Variants in APBA1 observed in about 807,000 individuals in gnomAD.
The protein encoded by APBA1 is amyloid-beta A4 precursor protein-binding family A member 1.
APBA1 carries 55 observed loss-of-function variants against 86.6 expected under a neutral mutation model. The observed-to-expected ratio is 0.64, with a 90% CI of 0.51 to 0.80. The LOEUF is 0.80. APBA1 is among the 30% of genes least tolerant of loss of function. APBA1 has a pLI of 0.00. For missense variants in APBA1, 1,090 were observed against 1,183.0 expected, an observed-to-expected ratio of 0.92 and a Z score of 1.15; for synonymous variants, 511 against 493.9, an observed-to-expected ratio of 1.03 and a Z score of -0.46.
At chr9:69,638,866 T>A (rs1823231100) in intron 1 of APBA1, among the ~76,000 whole-genome samples, 1 of 152,142 alleles carries the variant, frequency 6.6e-6, no homozygotes, top group Non-Finnish European at 1.5e-5. Context: ...ATCAAATTTT[T>A]GAAGATTAAA....
chr9:69,627,884 G>T (rs528159529), intron 1 of APBA1, among the ~76,000 whole-genome samples: 2 of 152,232 alleles, frequency 1.3e-5, no homozygotes, highest in East Asian at 1.9e-4. Context: ...AGGCACTGGT[G>T]GGGGAATGAG....
chr9:69,607,411 C>T (rs1822497760), intron 1 of APBA1, among the ~76,000 whole-genome samples: 1 of 152,170 alleles, frequency 6.6e-6, no homozygotes, highest in Non-Finnish European at 1.5e-5. Flanking sequence ...CACCAGGTCC[C>T]TCCCATGACA....
Position 69,523,524 on chromosome 9 carries a change from T to C in APBA1, c.-69-6245A>G, listed in dbSNP as rs1322311035. ...ATATATATATATATATATATATATA[T>C]ATATATATAGACACACACACACACA... is the stretch of plus-strand genomic sequence containing the variant. On this transcript the variant is annotated intron_variant, in intron 1 of 12. Transcript: ENST00000265381. Among the ~76,000 whole-genome samples, 13 of 41,552 alleles carry C rather than the reference T, an allele frequency of 3.1e-4. No individual in the cohort carries two copies. The South Asian group carries it at 5.1e-3, about 16-fold the overall frequency. 27.3% of individuals were successfully genotyped at this position (41,552 alleles called of 152,430 possible). A position where few individuals can be genotyped will look rare whatever the true frequency, so the allele number is the denominator to read the frequency against.
rs1588334710 is a variant in APBA1 at position 69,516,531 on chromosome 9, C to A, written c.680G>T (p.Arg227Leu). Residue 227 changes from arginine to leucine, a missense_variant, in exon 2 of 13, where the codon CGC (arginine) becomes CTC (leucine). Arg to Leu is a moderately radical substitution (Grantham distance 102, BLOSUM62 -2). Coordinates refer to ENST00000265381, the MANE Select transcript of APBA1 (RefSeq NM_001163.4). The surrounding 1 kb of genome is among the most constrained non-coding windows in gnomAD (Gnocchi z 7.3). ...CAGCCGCGCGCCCAGGGCCTCCTGG[C>A]GGTACGCGGCCGCCTCGTCGCGCTC... is the stretch of plus-strand genomic sequence containing the variant. ...EQERDEAAAY[R>L]QEALGARLHH... is the part of the protein sequence containing the mutation. The A allele has an allele frequency of 1.3e-6, 2 of 1,594,166 alleles. No individual in the cohort carries two copies. Among genetic ancestry groups the A allele is most frequent in the Non-Finnish European group, 1.7e-6 (2 of 1,176,118 alleles).
chr9:69,570,933 C>T (rs1407121165), intron 1 of APBA1, among the ~76,000 whole-genome samples: 5 of 152,162 alleles, frequency 3.3e-5, no homozygotes, highest in South Asian at 2.1e-4. Flanking sequence ...ACAAGAACAA[C>T]GTCAGCCTAA....
intron 1 of APBA1, among the ~76,000 whole-genome samples, chr9:69,633,037 T>C (rs1271062231): frequency 2.0e-5 from 3 of 149,912 alleles, no homozygotes; most frequent in African/African-American, 4.9e-5. Context: ...CAGGCTGCCC[T>C]CCCTAACAGC....
intron 1 of APBA1, among the ~76,000 whole-genome samples, chr9:69,537,905 G>A (rs530031376): frequency 6.6e-6 from 1 of 151,722 alleles, no homozygotes; most frequent in South Asian, 2.1e-4. Context: ...TGGCTTTATA[G>A]TTTCTCTTTC....
chr9:69,452,893 C>T (rs1835035486), intron 8 of APBA1, among the ~76,000 whole-genome samples: 1 of 152,234 alleles, frequency 6.6e-6, no homozygotes, highest in Admixed American at 6.5e-5. Flanking sequence ...CCCTATCAAC[C>T]TGCACGTGTG....
At chr9:69,531,942 TTTCTC>T (rs1000877478) in intron 1 of APBA1, among the ~76,000 whole-genome samples, 11 of 152,210 alleles carry the variant, frequency 7.2e-5, no homozygotes, top group Non-Finnish European at 1.2e-4. Flanking sequence ...GTGCTTCAGT[TTTCTC>T]TTCTCAATCT....
intron 1 of APBA1, among the ~76,000 whole-genome samples, chr9:69,624,804 AAAGGTGAG>A (rs1822897702): frequency 6.6e-6 from 1 of 152,232 alleles, no homozygotes; most frequent in Non-Finnish European, 1.5e-5. Flanking sequence ...ACCCAGGTGC[AAAGGTGAG>A]TTTAGATAGA....
chr9:69,495,059 C>T (rs749865820), intron 2 of APBA1, among the ~76,000 whole-genome samples: 2 of 152,042 alleles, frequency 1.3e-5, no homozygotes, highest in African/African-American at 2.4e-5. Context: ...GCAATGCTGA[C>T]GGGGAGAAAG....
intron 2 of APBA1, among the ~76,000 whole-genome samples, chr9:69,515,333 C>A (rs1218910610): frequency 6.6e-6 from 1 of 152,086 alleles, no homozygotes; most frequent in African/African-American, 2.4e-5. Context: ...CTTTGGCCAG[C>A]ATACAACCAC....
chr9:69,458,019 G>C, intron 6 of APBA1, 137 bp downstream of exon 6: 1 of 845,298 alleles, frequency 1.2e-6, no homozygotes, highest in South Asian at 2.0e-5. Flanking sequence ...GCTGGCTTAT[G>C]GGGCGGTTCA....
chr9:69,585,898 T>A (rs967775271), intron 1 of APBA1, among the ~76,000 whole-genome samples: 1 of 152,148 alleles, frequency 6.6e-6, no homozygotes, highest in Admixed American at 6.5e-5. Context: ...GCCTCTCATA[T>A]GGCCCTGGGG....
chr9:69,462,040 A>T (rs1042294170), intron 5 of APBA1: 1 of 152,236 alleles, frequency 6.6e-6, no homozygotes, highest in African/African-American at 2.4e-5. Context: ...GATCTTTGGG[A>T]CAGGCTAGTT....
intron 1 of APBA1, among the ~76,000 whole-genome samples, chr9:69,564,555 A>G (rs971629188): frequency 6.6e-6 from 1 of 152,224 alleles, no homozygotes; most frequent in Non-Finnish European, 1.5e-5. Flanking sequence ...TTTTAAATAA[A>G]TCTAGTAAAT....
intron 2 of APBA1, among the ~76,000 whole-genome samples, chr9:69,485,554 T>C (rs10116169): frequency 3.4e-4 from 41 of 119,968 alleles, no homozygotes; most frequent in African/African-American, 1.3e-3. Context: ...TCTGGGCTAC[T>C]GGATGGATAT....
At chr9:69,574,450 G>A (rs1821738167) in intron 1 of APBA1, among the ~76,000 whole-genome samples, 1 of 151,988 alleles carries the variant, frequency 6.6e-6, no homozygotes, top group African/African-American at 2.4e-5. Flanking sequence ...AATAGACTTG[G>A]ATTAATAAAT....
chr9:69,433,688 A>G (rs1389359814), intron 11 of APBA1, among the ~76,000 whole-genome samples: 1 of 152,156 alleles, frequency 6.6e-6, no homozygotes, highest in Non-Finnish European at 1.5e-5. Flanking sequence ...TAGGCAAATT[A>G]GGCTACTCAG....
Sources: allele counts gnomAD v4.1 joint callset (sites outside exome capture counted in the v4.1 genomes callset), GRCh38; gene constraint gnomAD v4.1.1; non-coding constraint Gnocchi (gnomAD v3.1); transcripts MANE v1.5; gene names NCBI Gene and HGNC (gene_info 2026-07-23, HGNC 2026-07-21).